The following GPR179 variants were observed in gnomAD, a reference collection of about 807,000 sequenced individuals.
The protein encoded by GPR179 is G protein-coupled receptor 179, also known as probable G protein-coupled receptor 179.
A neutral mutation model predicts 70.8 loss-of-function variants in GPR179; 52 were observed. The ratio of observed to expected loss-of-function variants is 0.73; its 90% CI spans 0.59 to 0.93. The LOEUF is 0.93. GPR179 is among the 40% of genes least tolerant of loss of function. The pLI, the probability that GPR179 is intolerant of heterozygous loss-of-function variation, is 0.00. For missense variants in GPR179, 2,734 were observed against 2,966.8 expected, an observed-to-expected ratio of 0.92 and a Z score of 1.82; for synonymous variants, 1,123 against 1,169.0, an observed-to-expected ratio of 0.96 and a Z score of 0.80.
At position 38,329,325 on chromosome 17, in the gene GPR179, C is replaced by T. The variant is rs1310178494; in HGVS notation, c.4244G>A (p.Trp1415Ter). The T allele has an allele frequency of 1.2e-6, 2 of 1,613,006 alleles. No homozygotes were observed. The highest frequency in any genetic ancestry group is 1.7e-6 in the Non-Finnish European group (2 of 1,179,672). Residue 1415 changes from tryptophan (W) to a stop codon, truncating the protein, a stop_gained, in exon 11 of 11, where the codon TGG becomes TAG. Transcript: ENST00000616987. LOFTEE classifies it low-confidence loss of function (END_TRUNC). ...EKQKTRKATF[W>*]KEQKPGGDLE... ...GTCTCCTCCCGGTTTCTGTTCTTTC[C>T]AAAAGGTTGCTTTCCTGGTTTTCTG...
At position 38,324,601 on chromosome 17, in the gene GPR179, G is replaced by GCCCCCCCCCCCC. The variant is rs370762282; in HGVS notation, c.*1863_*1864insGGGGGGGGGGGG. ...AAAAAGCATTCTTTATTTCCGCCCC[G>GCCCCCCCCCCCC]CCCCCCCCACCCCATGGTTTATTTC... On this transcript the variant is annotated 3_prime_UTR_variant, in exon 11 of 11. Coordinates refer to ENST00000616987, the MANE Select transcript of GPR179 (RefSeq NM_001004334.4). Among the ~76,000 whole-genome samples the GCCCCCCCCCCCC allele has an allele frequency of 2.4e-5, 3 of 123,336 alleles. No homozygotes were observed. The highest frequency in any genetic ancestry group is 9.3e-5 in the Admixed American group (1 of 10,728). The allele number at this position is 123,336 out of a possible 152,430, so 80.9% of individuals were successfully genotyped here. A position where few individuals can be genotyped will look rare whatever the true frequency, so the allele number is the denominator to read the frequency against.
At chr17:38,333,840 TG>T in intron 9 of GPR179, 92 bp downstream of exon 9, 1 of 926,434 alleles carries the variant, frequency 1.1e-6, no homozygotes, top group Non-Finnish European at 1.7e-6. Context: ...GTCCTCACCC[TG>T]GCCTGCAGAG....
chr17:38,341,817 C>T (rs544694034), intron 1 of GPR179, among the ~76,000 whole-genome samples: 1 of 152,212 alleles, frequency 6.6e-6, no homozygotes, highest in South Asian at 2.1e-4. Context: ...ATTCCAAGCC[C>T]CCTCAAGAGT....
At chr17:38,341,530 GCC>G (rs1281648284) in intron 1 of GPR179, among the ~76,000 whole-genome samples, 1 of 152,248 alleles carries the variant, frequency 6.6e-6, no homozygotes, top group Non-Finnish European at 1.5e-5. Context: ...GAGCCAGGCT[GCC>G]TGCTGGCAGG....
rs187514572 is a variant in GPR179, at chr17:38,329,110, C to T, written c.4459G>A (p.Val1487Met). The part of the protein sequence containing the change: ...EICPWELDDN[V>M]MGQEMLSLGT... ...AGACTCAGCATTTCCTGCCCCATCA[C>T]GTTATCATCCAGCTCCCAGGGACAG... The change falls in exon 11 of 11, where the codon GTG (valine) becomes ATG (methionine). Residue 1487 changes from valine to methionine, a missense_variant. Transcript: ENST00000616987. The T allele has an allele frequency of 1.0e-4, 165 of 1,611,882 alleles. No homozygotes were observed. Among genetic ancestry groups the T allele is most frequent in the Admixed American group, 3.3e-4 (20 of 59,832 alleles).
rs941811462 is a variant in GPR179 at position 38,334,505 on chromosome 17, G to A, written c.1784+199C>T. Among the ~76,000 whole-genome samples, 1 of 151,860 alleles carries A rather than the reference G, an allele frequency of 6.6e-6. No individual in the cohort carries two copies. The highest frequency in any genetic ancestry group is 2.4e-5 in the African/African-American group (1 of 41,302). ...CTCTTCCTCCTCTTCTGTGTTGGGG[G>A]CCTCCTCACCTGGGCCAGGCATGGA... is the stretch of plus-strand genomic sequence containing the variant. On this transcript the variant is annotated intron_variant, in intron 8 of 10. Coordinates refer to ENST00000616987, the MANE Select transcript of GPR179 (RefSeq NM_001004334.4). This position sits in a 1 kb window ranked among gnomAD's most constrained non-coding sequence, Gnocchi z 4.7.
intron 1 of GPR179, among the ~76,000 whole-genome samples, chr17:38,340,665 C>T (rs1031208637): frequency 6.6e-6 from 1 of 152,222 alleles, no homozygotes; most frequent in Non-Finnish European, 1.5e-5. Flanking sequence ...TGCCTGTAAT[C>T]CCAGCACTTT....
intron 4 of GPR179, among the ~76,000 whole-genome samples, chr17:38,336,767 C>A (rs2037407121): frequency 6.6e-6 from 1 of 152,238 alleles, no homozygotes; most frequent in Non-Finnish European, 1.5e-5. Flanking sequence ...AGATACTCAA[C>A]TAGCATTTAT....
chr17:38,343,608 G>A lies in GPR179; in HGVS notation c.182C>T (p.Ala61Val). 1 of 1,613,814 alleles carries A rather than the reference G, an allele frequency of 6.2e-7. No individual in the cohort carries two copies. The highest frequency in any genetic ancestry group is 8.5e-7 in the Non-Finnish European group (1 of 1,180,010). ...CTGGGCATCTCCAGAGTAGAGATAA[G>A]CGAGGGCGGCCTCGGCCCCCTCTAG... ...VPLEGAEAAL[A>V]YLYSGDAQQL... Residue 61 changes from alanine (A) to valine (V), a missense_variant, in exon 1 of 11, where the codon GCT (alanine) becomes GTT (valine). By Grantham distance (64) the Ala-to-Val change is moderately conservative. Transcript: ENST00000616987. The surrounding 1 kb of genome is among the most constrained non-coding windows in gnomAD (Gnocchi z 4.2).
chr17:38,327,218 C>A lies in GPR179; in HGVS notation c.6351G>T (p.Trp2117Cys), dbSNP rs766582295. 7 of 1,614,134 alleles carry A rather than the reference C, an allele frequency of 4.3e-6. No individual in the cohort carries two copies. The highest frequency in any genetic ancestry group is 1.3e-5 in the African/African-American group (1 of 74,956). ...TGGCAGAGGGAGCCTCTACCACTTCCCACAGACACACTTCCGCTACCCTGG... is the reference window on the plus strand; with the variant it reads ...TGGCAGAGGGAGCCTCTACCACTTCACACAGACACACTTCCGCTACCCTGG... ...VETRVAEVCL[W>C]EVVEAPSAKK... Residue 2117 changes from tryptophan (W) to cysteine (C), a missense_variant, in exon 11 of 11, where the codon TGG becomes TGT. By Grantham distance (215) the Trp-to-Cys change is radical. Coordinates refer to ENST00000616987, the MANE Select transcript of GPR179 (RefSeq NM_001004334.4).
chr17:38,340,693 G>C (rs578089569), intron 1 of GPR179, among the ~76,000 whole-genome samples: 2 of 152,314 alleles, frequency 1.3e-5, no homozygotes, highest in African/African-American at 4.8e-5. Flanking sequence ...CGAGGCAGGT[G>C]CATAATCTGA....
chr17:38,330,693 G>T lies in GPR179; in HGVS notation c.2876C>A (p.Thr959Asn). The change falls in exon 11 of 11, where the codon ACC (threonine) becomes AAC (asparagine). Residue 959 changes from threonine (T) to asparagine (N), a missense_variant. Transcript: ENST00000616987. ...GEPRMLSPTS[T>N]LAPALLPALA... Reference sequence around the variant, plus strand: ...AGCTGGCAGCAGAGCTGGAGCCAAGGTGGAGGTGGGAGATAGCATCCTTGG... The same window carrying T: ...AGCTGGCAGCAGAGCTGGAGCCAAGTTGGAGGTGGGAGATAGCATCCTTGG... 6.3e-7 allele frequency: 1 copy of T among 1,599,430 alleles called. No homozygotes were observed. Among genetic ancestry groups the T allele is most frequent in the Non-Finnish European group, 8.5e-7 (1 of 1,171,032 alleles).
chr17:38,324,590 A>G lies in GPR179; in HGVS notation c.*1875T>C, dbSNP rs1304573964. Among the ~76,000 whole-genome samples, 1 of 151,952 alleles carries G rather than the reference A, an allele frequency of 6.6e-6. No individual in the cohort carries two copies. Among genetic ancestry groups the G allele is most frequent in the Non-Finnish European group, 1.5e-5 (1 of 67,980 alleles). On this transcript the variant is annotated 3_prime_UTR_variant, in exon 11 of 11. Transcript: ENST00000616987. ...GCAATGTCAAGAAAAAGCATTCTTT[A>G]TTTCCGCCCCGCCCCCCCCACCCCA...
Position 38,331,600 on chromosome 17 carries a change from C to T in GPR179, c.2038-69G>A. On this transcript the variant is annotated intron_variant, in intron 10 of 10. Transcript: ENST00000616987. ...CTCCATCCCCTGGCTGTCTGTTCCT[C>T]CACCCTTGCCTAGACCTTTTTCCCT... The T allele has an allele frequency of 2.6e-6, 4 of 1,531,586 alleles. No individual in the cohort carries two copies. In the Admixed American group the frequency reaches 8.2e-5, roughly 31 times the overall value. The allele number at this position is 1,531,586 out of a possible 1,614,324, so 94.9% of individuals were successfully genotyped here.
Position 38,328,732 on chromosome 17 carries a change from C to T in GPR179, c.4837G>A (p.Gly1613Arg). Residue 1613 changes from glycine to arginine, a missense_variant, in exon 11 of 11, where the codon GGA (glycine) becomes AGA (arginine). Gly to Arg is a moderately radical substitution (Grantham distance 125). Coordinates refer to ENST00000616987, the MANE Select transcript of GPR179 (RefSeq NM_001004334.4). ...TCCTTGTCCTTTTGAGATTCTCCTC[C>T]TCTTGGCACCTGTGCTGATGTCCAT... is the stretch of plus-strand genomic sequence containing the variant. ...EEWTSAQVPRGGESQKDKEKM... is the reference protein window; with the variant it reads ...EEWTSAQVPRRGESQKDKEKM... 5 of 1,613,902 alleles carry T rather than the reference C, an allele frequency of 3.1e-6. No homozygotes were observed. The highest frequency in any genetic ancestry group is 4.2e-6 in the Non-Finnish European group (5 of 1,179,972).
chr17:38,329,420 C>T lies in GPR179; in HGVS notation c.4149G>A (p.Trp1383Ter), dbSNP rs998214215. The part of the protein sequence containing the change: ...PDITKAEPCP[W>*]EASEGGEDGK... Reference sequence around the variant, plus strand: ...CATCCTCGCCTCCTTCACTTGCCTCCCAGGGACACGGCTCTGCCTTGGTGA... The same window carrying T: ...CATCCTCGCCTCCTTCACTTGCCTCTCAGGGACACGGCTCTGCCTTGGTGA... Residue 1383 changes from tryptophan to a stop codon, truncating the protein, a stop_gained, in exon 11 of 11, where the codon TGG becomes TGA. Coordinates refer to ENST00000616987, the MANE Select transcript of GPR179 (RefSeq NM_001004334.4). LOFTEE classifies it low-confidence loss of function (END_TRUNC). 1 of 1,614,142 alleles carries T rather than the reference C, an allele frequency of 6.2e-7. No homozygotes were observed. The highest frequency in any genetic ancestry group is 8.5e-7 in the Non-Finnish European group (1 of 1,180,042).
Position 38,328,626 on chromosome 17 carries a change from A to G in GPR179, c.4943T>C (p.Val1648Ala). The G allele has an allele frequency of 1.2e-6, 2 of 1,614,126 alleles. No individual in the cohort carries two copies. The highest frequency in any genetic ancestry group is 1.7e-6 in the Non-Finnish European group (2 of 1,180,024). The change falls in exon 11 of 11, where the codon GTC becomes GCC. Residue 1648 changes from valine (V) to alanine (A), a missense_variant. By Grantham distance (64) the Val-to-Ala change is moderately conservative. Coordinates refer to ENST00000616987, the MANE Select transcript of GPR179 (RefSeq NM_001004334.4). ...AGGGTCCACACTCTCCCAGGGGCCG[A>G]CCGCTTCTTGCTTTTGGATCTGCCC... is the stretch of plus-strand genomic sequence containing the variant. ...PEGQIQKQEAVGPWESVDPGS... is the reference protein window; with the variant it reads ...PEGQIQKQEAAGPWESVDPGS...
chr17:38,333,622 G>GCAA (rs2144267517), intron 9 of GPR179, among the ~76,000 whole-genome samples: 1 of 152,256 alleles, frequency 6.6e-6, no homozygotes, highest in East Asian at 1.9e-4. Flanking sequence ...TTCCTAGCCG[G>GCAA]GTCCTTCAGC....
In GPR179 at chr17:38,330,649, G is replaced by T. The variant is rs755418797; in HGVS notation, c.2920C>A (p.Pro974Thr). The change falls in exon 11 of 11, where the codon CCT becomes ACT. Residue 974 changes from proline to threonine, a missense_variant. By Grantham distance (38) the Pro-to-Thr change is conservative. Transcript: ENST00000616987. ...GATACTGGGACTGGTGCCAGGGCAG[G>T]GGCTGGGGTTGGAGCTAGAGCTGGC... ...LLPALAPTPAPALAPVPVSPQ... is the reference protein window; with the variant it reads ...LLPALAPTPATALAPVPVSPQ... The T allele has an allele frequency of 1.3e-6, 2 of 1,597,644 alleles. No individual in the cohort carries two copies. Among genetic ancestry groups the T allele is most frequent in the Non-Finnish European group, 1.7e-6 (2 of 1,170,722 alleles).
Sources: allele counts gnomAD v4.1 joint callset (sites outside exome capture counted in the v4.1 genomes callset), GRCh38; gene constraint gnomAD v4.1.1; non-coding constraint Gnocchi (gnomAD v3.1); transcripts MANE v1.5; gene names NCBI Gene and HGNC (gene_info 2026-07-23, HGNC 2026-07-21).